Variants in MTHFSD observed in about 807,000 individuals in gnomAD.
MTHFSD encodes the protein methenyltetrahydrofolate synthase domain-containing protein.
In MTHFSD, 37 loss-of-function variants were observed where a neutral mutation model predicts 31.1. The observed-to-expected ratio is 1.19, with a 90% CI of 0.91 to 1.56. The LOEUF (loss-of-function observed/expected upper bound fraction) is 1.56, where lower values mean the gene tolerates loss of function less well. Ranked by LOEUF, MTHFSD falls within the 40% of genes most tolerant of loss-of-function variation. MTHFSD has a pLI of 0.00. For missense variants in MTHFSD, 664 were observed against 510.1 expected, an observed-to-expected ratio of 1.30 and a Z score of -2.91; for synonymous variants, 221 against 206.9, an observed-to-expected ratio of 1.07 and a Z score of -0.59.
chr16:86,543,423 T>A (rs540220725), intron 5 of MTHFSD, among the ~76,000 whole-genome samples: 18 of 152,210 alleles, frequency 1.2e-4, no homozygotes, highest in Non-Finnish European at 2.5e-4. Context: ...ACCTAGACTA[T>A]CCCACAGAAC....
Position 86,532,067 on chromosome 16 carries a change from G to A in MTHFSD, c.1096C>T (p.Arg366Cys), listed in dbSNP as rs752299303. ...ACCCTCAGGGTGTCGGTGCCCAGGC[G>A]CAGGCCCTGCAAGCAGGAGACGGCC... The part of the protein sequence containing the change: ...QQAVSCLQGL[R>C]LGTDTLRVAL... Residue 366 changes from arginine to cysteine, a missense_variant, in exon 8 of 8, where the codon CGC becomes TGC. Coordinates refer to ENST00000360900, the MANE Select transcript of MTHFSD (RefSeq NM_001159377.2). 179 of 1,520,808 alleles carry A rather than the reference G, an allele frequency of 1.2e-4. No homozygotes were observed. The highest frequency in any genetic ancestry group is 6.1e-4 in the Middle Eastern group (3 of 4,948). 94.2% of individuals were successfully genotyped at this position (1,520,808 alleles called of 1,614,324 possible).
chr16:86,548,514 G>A lies in MTHFSD; in HGVS notation c.301C>T (p.Pro101Ser), dbSNP rs376062762. The change falls in exon 4 of 8, where the codon CCA (proline) becomes TCA (serine). Residue 101 changes from proline (P) to serine (S), a missense_variant. Physicochemically the swap from Pro to Ser is moderately conservative, Grantham distance 74. Transcript: ENST00000360900. The part of the protein sequence containing the change: ...LRTGLFNKIT[P>S]PPGATKDILR... ...ATGTCTTTAGTTGCCCCAGGGGGTG[G>A]TGTGATCTTATTAAACAATCCCGTT... The A allele has an allele frequency of 6.2e-7, 1 of 1,613,918 alleles. No homozygotes were observed. Among genetic ancestry groups the A allele is most frequent in the East Asian group, 2.2e-5 (1 of 44,866 alleles).
chr16:86,551,347 A>T (rs1268261461), intron 3 of MTHFSD, among the ~76,000 whole-genome samples: 1 of 152,172 alleles, frequency 6.6e-6, no homozygotes, highest in East Asian at 1.9e-4. Flanking sequence ...GGTACATCAG[A>T]CTTCTTACTC....
intron 7 of MTHFSD, chr16:86,540,587 C>A: frequency 1.2e-6 from 1 of 821,978 alleles, no homozygotes; most frequent in Non-Finnish European, 1.5e-6. Flanking sequence ...TGCCCTTGTG[C>A]AACCTTCCCA....
intron 3 of MTHFSD, among the ~76,000 whole-genome samples, chr16:86,549,304 T>C (rs2143808310): frequency 6.6e-6 from 1 of 152,372 alleles, no homozygotes; most frequent in South Asian, 2.1e-4. Flanking sequence ...CTGAGATGTC[T>C]CTGTAGATTA....
intron 4 of MTHFSD, chr16:86,547,585 G>A (rs8047645): frequency 0.042 from 41,480 of 986,788 alleles, 989 homozygotes; most frequent in Middle Eastern, 0.066. Context: ...AGGAAGAGAC[G>A]GCTTGCATTT....
rs761252808 is a variant in MTHFSD at position 86,532,183 on chromosome 16, C to T, written c.980G>A (p.Arg327Gln). The T allele has an allele frequency of 5.7e-6, 9 of 1,578,380 alleles. No homozygotes were observed. The highest frequency in any genetic ancestry group is 4.6e-5 in the South Asian group (4 of 86,742). Residue 327 changes from arginine (R) to glutamine (Q), a missense_variant, in exon 8 of 8, where the codon CGG becomes CAG. Arg to Gln is a conservative substitution (Grantham distance 43, BLOSUM62 1). Transcript: ENST00000360900. ...CCGCAGGGGCACGGAGCCGAGTTCC[C>T]GCAGGGCTCTCTTCAGGTCACTCAC... Reference protein sequence around the residue: ...ARVSDLKRALRELGSVPLRLT... With the variant: ...ARVSDLKRALQELGSVPLRLT...
chr16:86,554,645 C>T lies in MTHFSD; in HGVS notation c.123G>A (p.Lys41=), dbSNP rs1457970681. 6 of 1,611,454 alleles carry T rather than the reference C, an allele frequency of 3.7e-6. No homozygotes were observed. Among genetic ancestry groups the T allele is most frequent in the Non-Finnish European group, 4.2e-6 (5 of 1,178,294 alleles). The stretch of plus-strand genomic sequence containing the variant: ...CTGGACTCCAGAAATATGTCAGTAC[C>T]TTAAAGTTGGGTATCCTGTGATGAA... The part of the protein sequence containing the change: ...RPVHHRIPNF[K]GSYLACQNIK... The change falls in exon 2 of 8, where the codon AAG becomes AAA. Residue 41 remains lysine, a splice_region_variant and synonymous_variant. Transcript: ENST00000360900.
intron 7 of MTHFSD, among the ~76,000 whole-genome samples, chr16:86,540,387 T>C (rs1390004859): frequency 2.0e-5 from 3 of 152,212 alleles, no homozygotes; most frequent in Non-Finnish European, 4.4e-5. Flanking sequence ...TGTAGGAGGA[T>C]ATATTCACCT....
intron 3 of MTHFSD, among the ~76,000 whole-genome samples, chr16:86,550,357 C>T (rs1463989173): frequency 1.3e-5 from 2 of 152,244 alleles, no homozygotes; most frequent in African/African-American, 4.8e-5. Context: ...TGGCATGAAG[C>T]AACAGGGATT....
intron 3 of MTHFSD, 88 bp from the exon 4 acceptor site, chr16:86,548,665 A>G (rs553750863): frequency 7.6e-5 from 79 of 1,045,258 alleles, no homozygotes; most frequent in Non-Finnish European, 1.0e-4. Context: ...TCAGGAGAAG[A>G]GGCAAATTAC....
intron 4 of MTHFSD, chr16:86,547,916 T>C (rs937069411): frequency 4.7e-6 from 3 of 637,282 alleles, no homozygotes; most frequent in Middle Eastern, 1.3e-3. Flanking sequence ...GACTTAACTG[T>C]AAAATACATG....
At chr16:86,536,560 A>T (rs1970719851) in intron 7 of MTHFSD, among the ~76,000 whole-genome samples, 1 of 152,240 alleles carries the variant, frequency 6.6e-6, no homozygotes, top group East Asian at 1.9e-4. Flanking sequence ...ATCTCCCAAC[A>T]GGGGGCCTGA....
chr16:86,548,221 A>T lies in MTHFSD; in HGVS notation c.351+243T>A, dbSNP rs972804408. Reference sequence around the variant, plus strand: ...ACCCGTCTTCCCTTTTCTTACAATAAGGAATTTATAATTTGCCAATTTCGT... The same window carrying T: ...ACCCGTCTTCCCTTTTCTTACAATATGGAATTTATAATTTGCCAATTTCGT... On this transcript the variant is annotated intron_variant, in intron 4 of 7. Transcript: ENST00000360900. The T allele has an allele frequency of 5.7e-6, 6 of 1,049,554 alleles. No homozygotes were observed. The South Asian group carries it at 9.2e-5, about 16-fold the overall frequency. The allele number at this position is 1,049,554 out of a possible 1,614,324, so 65.0% of individuals were successfully genotyped here.
In MTHFSD at chr16:86,543,482, T is replaced by C. The variant is rs553909231; in HGVS notation, c.443-1269A>G. Among the ~76,000 whole-genome samples the C allele has an allele frequency of 1.3e-4, 20 of 152,296 alleles. No individual in the cohort carries two copies. The South Asian group carries it at 3.3e-3, about 25-fold the overall frequency. On this transcript the variant is annotated intron_variant, in intron 5 of 7. Transcript: ENST00000360900. Reference sequence around the variant, plus strand: ...TAAGAGAAAAGACCAAAGCCAAATCTGGAAATAACTCATAACGTATGCATC... The same window carrying C: ...TAAGAGAAAAGACCAAAGCCAAATCCGGAAATAACTCATAACGTATGCATC...
intron 7 of MTHFSD, among the ~76,000 whole-genome samples, chr16:86,534,196 A>G (rs1970364013): frequency 6.6e-6 from 1 of 152,184 alleles, no homozygotes; most frequent in Non-Finnish European, 1.5e-5. Flanking sequence ...TTCTAATCAC[A>G]AGGCATTTCT....
intron 7 of MTHFSD, chr16:86,533,197 A>G (rs778155914): frequency 6.6e-6 from 1 of 152,238 alleles, no homozygotes; most frequent in Non-Finnish European, 1.5e-5. Flanking sequence ...GGATTTTTCT[A>G]ATCAATTAGC....
intron 2 of MTHFSD, 108 bp from the exon 3 acceptor site, chr16:86,552,254 C>G: frequency 6.2e-7 from 1 of 1,607,440 alleles, no homozygotes; most frequent in Non-Finnish European, 8.5e-7. Context: ...TTTTGAACGC[C>G]TGCAAGCGTG....
intron 3 of MTHFSD, among the ~76,000 whole-genome samples, chr16:86,551,306 G>A (rs1973106009): frequency 6.6e-6 from 1 of 152,106 alleles, no homozygotes; most frequent in Admixed American, 6.6e-5. Flanking sequence ...TTTCAGTTGA[G>A]GAACAAGTGC....
Sources: gnomAD v4.1 joint callset for allele counts (sites outside exome capture counted in the v4.1 genomes callset) on GRCh38, gnomAD v4.1.1 for gene constraint, MANE v1.5 for transcripts, NCBI Gene and HGNC (gene_info 2026-07-23, HGNC 2026-07-21) for gene names.